The following PRR11 variants were observed in gnomAD, a reference collection of about 807,000 sequenced individuals.
PRR11 encodes the protein proline rich 11.
In PRR11, 30 loss-of-function variants were observed where a neutral mutation model predicts 45.6. The ratio of observed to expected loss-of-function variants is 0.66; its 90% CI spans 0.49 to 0.89. The LOEUF (loss-of-function observed/expected upper bound fraction) is 0.89, where lower values mean the gene tolerates loss of function less well. PRR11 is among the 40% of genes least tolerant of loss of function. The pLI is 0.00. For missense variants in PRR11, 373 were observed against 424.8 expected (o/e 0.88, Z 1.07); for synonymous variants, 128 against 153.5 (o/e 0.83, Z 1.23).
intron 9 of PRR11, among the ~76,000 whole-genome samples, chr17:59,200,343 C>G (rs1407355647): frequency 6.6e-6 from 1 of 152,086 alleles, no homozygotes; most frequent in Non-Finnish European, 1.5e-5. Flanking sequence ...ACCTGTAATC[C>G]CAGTGCTTTG....
At chr17:59,184,068 G>A (rs1036698580) in intron 2 of PRR11, among the ~76,000 whole-genome samples, 14 of 152,130 alleles carry the variant, frequency 9.2e-5, no homozygotes, top group South Asian at 4.1e-4. Flanking sequence ...TCTTGCCACC[G>A]CACTCCAGTC....
intron 4 of PRR11, among the ~76,000 whole-genome samples, chr17:59,187,358 G>C (rs2046819191): frequency 6.6e-6 from 1 of 152,166 alleles, no homozygotes; most frequent in Non-Finnish European, 1.5e-5. Flanking sequence ...TGGATCACTT[G>C]AGGTCAGGAG....
At chr17:59,169,403 A>G (rs1440758796) in intron 1 of PRR11, among the ~76,000 whole-genome samples, 2 of 152,024 alleles carry the variant, frequency 1.3e-5, no homozygotes. Context: ...TGGCCAACAT[A>G]TTATTTTAAT....
chr17:59,181,663 G>A (rs577114576), intron 2 of PRR11: 22 of 1,533,638 alleles, frequency 1.4e-5, no homozygotes, highest in South Asian at 4.4e-5. Flanking sequence ...CGCCTCCTCC[G>A]ATGACTCCTC....
rs373624342 is a variant in PRR11 at position 59,185,119 on chromosome 17, A to C, written c.194A>C (p.Asn65Thr). 219 of 1,613,790 alleles carry C rather than the reference A, an allele frequency of 1.4e-4. No homozygotes were observed. The South Asian group carries it at 2.0e-3, about 15-fold the overall frequency. ...RSWLTSSWNF[N>T]FPNIRDAIKL... ...TGGCTAACATCATCCTGGAACTTCA[A>C]TTTTCCTAACATCAGAGATGCAATA... is the stretch of plus-strand genomic sequence containing the variant. Residue 65 changes from asparagine (N) to threonine (T), a missense_variant, in exon 3 of 10, where the codon AAT becomes ACT. Transcript: ENST00000262293.
intron 9 of PRR11, 34 bp from the exon 10 acceptor site, chr17:59,201,529 T>C (rs2046892230): frequency 6.3e-7 from 1 of 1,590,366 alleles, no homozygotes; most frequent in Non-Finnish European, 8.6e-7. Flanking sequence ...AGGAATATAA[T>C]TGATATTATA....
chr17:59,199,832 A>G (rs939572975), intron 9 of PRR11, among the ~76,000 whole-genome samples: 1 of 152,194 alleles, frequency 6.6e-6, no homozygotes, highest in Admixed American at 6.5e-5. Flanking sequence ...GGCACTATAC[A>G]GCTTTCTGCG....
chr17:59,197,993 T>G (rs1599708867), intron 9 of PRR11: 2 of 530,244 alleles, frequency 3.8e-6, no homozygotes, highest in East Asian at 6.4e-5. Context: ...TGCATGCCTG[T>G]AGTTCCAGCT....
At chr17:59,197,521 T>G in intron 7 of PRR11, 23 bp from the exon 8 acceptor site, 2 of 1,608,708 alleles carry the variant, frequency 1.2e-6, no homozygotes, top group Non-Finnish European at 8.5e-7. Flanking sequence ...AAAGTTCTAA[T>G]TTTTATATCT....
intron 9 of PRR11, among the ~76,000 whole-genome samples, chr17:59,198,866 G>A (rs1169264976): frequency 6.6e-6 from 1 of 151,970 alleles, no homozygotes; most frequent in Non-Finnish European, 1.5e-5. Context: ...CTATAGGTAG[G>A]ATTATCATGT....
chr17:59,177,059 A>G (rs2046751233), intron 2 of PRR11: 1 of 481,044 alleles, frequency 2.1e-6, no homozygotes, highest in Admixed American at 2.6e-5. Flanking sequence ...TTTTGTACAC[A>G]GAGTAAAGAG....
rs190400679 is a variant in PRR11, at chr17:59,156,398, G to A, written c.-6+593G>A. 4.6e-3 allele frequency among the ~76,000 whole-genome samples: 689 copies of A among 149,716 alleles called. 5 individuals carry two copies. Among genetic ancestry groups the A allele is most frequent in the African/African-American group, 0.016 (653 of 40,716 alleles). On this transcript the variant is annotated intron_variant, in intron 1 of 9. Coordinates refer to ENST00000262293, the MANE Select transcript of PRR11 (RefSeq NM_018304.4). The stretch of plus-strand genomic sequence containing the variant: ...GGAAAAACAAGACAGAACAAAAACA[G>A]CAATGCTTAAAAAAAAAAAAGCATA...
chr17:59,158,325 C>G (rs554425204), intron 1 of PRR11, among the ~76,000 whole-genome samples: 3 of 152,176 alleles, frequency 2.0e-5, no homozygotes, highest in East Asian at 3.9e-4. Flanking sequence ...GCATGTGGAA[C>G]CAGGGTGGGA....
At chr17:59,195,528 AT>A (rs970459843) in intron 7 of PRR11, 85 bp downstream of exon 7, 29 of 855,738 alleles carry the variant, frequency 3.4e-5, no homozygotes, top group Admixed American at 9.8e-5. Context: ...GGAAAAAAAG[AT>A]TTTTTGTGTG....
chr17:59,200,686 G>T (rs1239464310), intron 9 of PRR11, among the ~76,000 whole-genome samples: 5 of 152,072 alleles, frequency 3.3e-5, no homozygotes, highest in Non-Finnish European at 5.9e-5. Flanking sequence ...TAGAGACAGG[G>T]TTTCACCGTG....
At chr17:59,198,597 C>T (rs562488171) in intron 9 of PRR11, among the ~76,000 whole-genome samples, 1 of 152,130 alleles carries the variant, frequency 6.6e-6, no homozygotes, top group East Asian at 1.9e-4. Context: ...TCACTTGAAC[C>T]TGGGAGGCAG....
intron 1 of PRR11, among the ~76,000 whole-genome samples, chr17:59,165,574 C>T (rs181643630): frequency 6.6e-6 from 1 of 152,078 alleles, no homozygotes; most frequent in Admixed American, 6.5e-5. Context: ...AGGCAGATCA[C>T]TTGAGGTCGG....
rs1005245023 is a variant in PRR11, at chr17:59,201,874, G to A, written c.*243G>A. On this transcript the variant is annotated 3_prime_UTR_variant, in exon 10 of 10. Transcript: ENST00000262293. ...TAATCCCAGCTATGCGGGAGGCTAA[G>A]GCAGGAGAATTGCTTGAACCCAAGA... is the stretch of plus-strand genomic sequence containing the variant. 8 of 426,012 alleles carry A rather than the reference G, an allele frequency of 1.9e-5. No individual in the cohort carries two copies. The East Asian group carries it at 2.9e-4, about 15-fold the overall frequency. 26.4% of individuals were successfully genotyped at this position (426,012 alleles called of 1,614,324 possible).
chr17:59,200,774 G>A (rs1175465027), intron 9 of PRR11, among the ~76,000 whole-genome samples: 6 of 152,056 alleles, frequency 3.9e-5, no homozygotes, highest in African/African-American at 1.2e-4. Context: ...TTACAGGCGT[G>A]AGCCACCGGG....
Sources: allele counts gnomAD v4.1 joint callset (sites outside exome capture counted in the v4.1 genomes callset), GRCh38; gene constraint gnomAD v4.1.1; transcripts MANE v1.5; gene names NCBI Gene and HGNC (gene_info 2026-07-23, HGNC 2026-07-21).